Variants in RPS17 observed in about 807,000 individuals in gnomAD.
RPS17 encodes small ribosomal subunit protein eS17.
For missense variants in RPS17, 68 were observed against 182.3 expected (o/e 0.37, Z 3.61); for synonymous variants, 75 against 65.6 (o/e 1.14, Z -0.70).
At position 82,536,932 on chromosome 15, in the gene RPS17, T is replaced by C. The variant is rs987828754; in HGVS notation, c.328-51A>G. 5.6e-6 allele frequency: 9 copies of C among 1,607,700 alleles called. No individual in the cohort carries two copies. The Admixed American group carries it at 6.7e-5, about 12-fold the overall frequency. ...AGCAGTTACTGGTGAGATCTGTGAGTGGACCCCAGAAGAAAACACAGGCCC... is the reference window on the plus strand; with the variant it reads ...AGCAGTTACTGGTGAGATCTGTGAGCGGACCCCAGAAGAAAACACAGGCCC... On this transcript the variant is annotated intron_variant, in intron 4 of 4. Transcript: ENST00000647841.
intron 3 of RPS17, 125 bp from the exon 4 acceptor site, chr15:82,538,496 A>G (rs2088570922): frequency 9.1e-7 from 1 of 1,094,502 alleles, no homozygotes; most frequent in East Asian, 2.4e-5. Context: ...TTCCTCTCAC[A>G]AGGTGAGCAG....
chr15:82,536,875 C>T lies in RPS17; in HGVS notation c.334G>A (p.Gly112Ser). 8.7e-6 allele frequency: 14 copies of T among 1,613,910 alleles called. No individual in the cohort carries two copies. Among genetic ancestry groups the T allele is most frequent in the East Asian group, 2.2e-5 (1 of 44,890 alleles). The change falls in exon 5 of 5, where the codon GGC (glycine) becomes AGC (serine). Residue 112 changes from glycine to serine, a missense_variant. Gly to Ser is a moderately conservative substitution (Grantham distance 56). Coordinates refer to ENST00000647841, the MANE Select transcript of RPS17 (RefSeq NM_001021.6). ...TKEMLKLLDFGSLSNLQVTQP... is the reference protein window; with the variant it reads ...TKEMLKLLDFSSLSNLQVTQP... ...GTGACCTGAAGGTTGGACAGACTGC[C>T]GAAGTCCTGGAACGAGAAAATGGAT...
At chr15:82,539,356 C>G in intron 2 of RPS17, 1 of 472,686 alleles carries the variant, frequency 2.1e-6, no homozygotes, top group African/African-American at 2.0e-5. Flanking sequence ...GCCTATAAAT[C>G]TCTCGAACAG....
intron 4 of RPS17, 112 bp from the exon 5 acceptor site, chr15:82,536,993 G>T (rs937865574): frequency 8.3e-6 from 10 of 1,203,492 alleles, no homozygotes; most frequent in Non-Finnish European, 1.2e-5. Context: ...GTCCAGAGGC[G>T]ACCTGAAGGA....
intron 4 of RPS17, chr15:82,537,177 C>T (rs1000328941): frequency 3.6e-5 from 18 of 496,282 alleles, no homozygotes; most frequent in East Asian, 1.2e-4. Context: ...TCTAAAACAC[C>T]GTTTCTCAAT....
At chr15:82,539,209 A>T (rs2034296221) in intron 2 of RPS17, 1 of 671,042 alleles carries the variant, frequency 1.5e-6, no homozygotes, top group Non-Finnish European at 2.7e-6. Context: ...CATGATGATC[A>T]AGCGCCCCAC....
rs1224901261 is a variant in RPS17 at position 82,540,127 on chromosome 15, G to A, written c.9C>T (p.Arg3=). Residue 3 remains arginine (R), a synonymous_variant, in exon 2 of 5, where the codon CGC becomes CGT. Coordinates refer to ENST00000647841, the MANE Select transcript of RPS17 (RefSeq NM_001021.6). The part of the protein sequence containing the change: MG[R]VRTKTVKKAA... Reference sequence around the variant, plus strand: ...CCTTCTTCACGGTTTTGGTGCGAACGCGGCCCTGCGGGTGGAGAGGACAGG... The same window carrying A: ...CCTTCTTCACGGTTTTGGTGCGAACACGGCCCTGCGGGTGGAGAGGACAGG... 3.7e-6 allele frequency: 6 copies of A among 1,613,598 alleles called. No homozygotes were observed. The African/African-American group carries it at 5.3e-5, about 14-fold the overall frequency.
At chr15:82,540,391 T>C (rs1217649763) in intron 1 of RPS17, 35 bp downstream of exon 1, 27 of 1,592,250 alleles carry the variant, frequency 1.7e-5, no homozygotes, top group Non-Finnish European at 2.2e-5. Flanking sequence ...GGGGGACGAT[T>C]GTGGAGGATG....
At chr15:82,539,569 A>C in intron 2 of RPS17, 1 of 427,526 alleles carries the variant, frequency 2.3e-6, no homozygotes, top group Non-Finnish European at 4.6e-6. Context: ...CGTGCCTCTA[A>C]TCCCAGCTAC....
chr15:82,539,606 T>G (rs2034307041), intron 2 of RPS17: 1 of 411,254 alleles, frequency 2.4e-6, no homozygotes, highest in African/African-American at 2.0e-5. Flanking sequence ...TGACAATCGC[T>G]TGAACCCGGG....
At chr15:82,537,689 T>C (rs1489300798) in intron 4 of RPS17, 2 of 368,554 alleles carry the variant, frequency 5.4e-6, no homozygotes, top group Non-Finnish European at 1.1e-5. Context: ...ACTGGTGATG[T>C]TTTTCTGAAG....
intron 3 of RPS17, 122 bp from the exon 4 acceptor site, chr15:82,538,493 C>T: frequency 8.8e-7 from 1 of 1,138,074 alleles, no homozygotes; most frequent in Non-Finnish European, 1.3e-6. Flanking sequence ...GCATTCCTCT[C>T]ACAAGGTGAG....
chr15:82,537,974 GA>G (rs2034269949), intron 4 of RPS17: 1 of 469,846 alleles, frequency 2.1e-6, no homozygotes, highest in Non-Finnish European at 4.2e-6. Context: ...GACACCAAAG[GA>G]ATGCCTTCAC....
At chr15:82,538,484 C>T (rs2034278742) in intron 3 of RPS17, 113 bp from the exon 4 acceptor site, 5 of 1,199,120 alleles carry the variant, frequency 4.2e-6, no homozygotes, top group Non-Finnish European at 6.2e-6. Context: ...ACAAGGATAG[C>T]ATTCCTCTCA....
At chr15:82,538,460 G>C in intron 3 of RPS17, 89 bp from the exon 4 acceptor site, 1 of 1,422,726 alleles carries the variant, frequency 7.0e-7, no homozygotes, top group Non-Finnish European at 9.9e-7. Flanking sequence ...TTAAATATGG[G>C]GAAGAGGAGC....
intron 4 of RPS17, 159 bp from the exon 5 acceptor site, chr15:82,537,040 CT>C: frequency 1.3e-6 from 1 of 752,238 alleles, no homozygotes; most frequent in Non-Finnish European, 2.4e-6. Context: ...ATGCCTCCCA[CT>C]TTTCCAGAGT....
Position 82,538,993 on chromosome 15 carries a change from GCA to G in RPS17, c.156-10_156-9del, listed in dbSNP as rs2034290622. Reference sequence around the variant, plus strand: ...ATCAGATGCGTGACATAACTACAAAGCACACACAGCCAAAGAGAACAGTGAGA... The same window carrying G: ...ATCAGATGCGTGACATAACTACAAAGCACACAGCCAAAGAGAACAGTGAGA... On this transcript the variant is annotated splice_polypyrimidine_tract_variant and intron_variant, in intron 2 of 4. Transcript: ENST00000647841. The G allele has an allele frequency of 3.1e-6, 5 of 1,613,222 alleles. No individual in the cohort carries two copies. Among genetic ancestry groups the G allele is most frequent in the Non-Finnish European group, 4.2e-6 (5 of 1,179,382 alleles).
intron 1 of RPS17, 71 bp from the exon 2 acceptor site, chr15:82,540,203 C>G (rs2034323134): frequency 2.5e-6 from 4 of 1,612,400 alleles, no homozygotes; most frequent in Non-Finnish European, 3.4e-6. Flanking sequence ...CGCCGAGCCC[C>G]GGCCGGTGTG....
intron 2 of RPS17, chr15:82,539,502 A>G (rs1361702229): frequency 6.6e-6 from 3 of 457,712 alleles, no homozygotes; most frequent in African/African-American, 4.0e-5. Context: ...AGCCTGGTCA[A>G]CATTGTGAAA....
Sources: allele counts gnomAD v4.1 joint callset, GRCh38; gene constraint gnomAD v4.1.1; transcripts MANE v1.5; gene names NCBI Gene and HGNC (gene_info 2026-07-23, HGNC 2026-07-21).